The following MCM9 variants were observed in gnomAD, a reference collection of about 807,000 sequenced individuals.
MCM9 encodes the protein DNA helicase MCM9.
A neutral mutation model predicts 72.8 loss-of-function variants in MCM9; 55 were observed. The observed-to-expected ratio is 0.76, with a 90% confidence interval of 0.61 to 0.95. The LOEUF is 0.95. Ranked by LOEUF, MCM9 falls within the 40% of genes least tolerant of loss-of-function variation. MCM9 has a pLI of 0.00. For missense variants in MCM9, 1,279 were observed against 1,377.0 expected (o/e 0.93, Z 1.13); for synonymous variants, 480 against 503.4 (o/e 0.95, Z 0.62).
intron 5 of MCM9, chr6:118,918,274 T>C (rs1583664475): frequency 6.5e-6 from 1 of 154,030 alleles, no homozygotes; most frequent in African/African-American, 2.4e-5. Context: ...TTTTACTCAC[T>C]GCCCCCCCAC....
chr6:118,931,454 A>G lies in MCM9; in HGVS notation c.270T>C (p.Val90=). The G allele has an allele frequency of 6.2e-7, 1 of 1,612,920 alleles. No homozygotes were observed. Among genetic ancestry groups the G allele is most frequent in the Non-Finnish European group, 8.5e-7 (1 of 1,178,914 alleles). The change falls in exon 3 of 14, where the codon GTT becomes GTC. Residue 90 remains valine (V), a synonymous_variant. Coordinates refer to ENST00000619706, the MANE Select transcript of MCM9 (RefSeq NM_017696.3). Reference sequence around the variant, plus strand: ...TGGCATGAAGATTCTGTTTCATGGAAACAGCCTCAGGCTGAGAAAGGGACT... The same window carrying G: ...TGGCATGAAGATTCTGTTTCATGGAGACAGCCTCAGGCTGAGAAAGGGACT... ...ILQSLSQPEA[V]SMKQNLHARI... is the part of the protein sequence containing the mutation.
intron 13 of MCM9, among the ~76,000 whole-genome samples, chr6:118,821,604 G>A (rs535978878): frequency 6.6e-6 from 1 of 152,222 alleles, no homozygotes; most frequent in East Asian, 1.9e-4. Context: ...ATGTCTTGGA[G>A]TTGCCCTTCT....
At chr6:118,900,099 T>C (rs1481909543) in intron 8 of MCM9, among the ~76,000 whole-genome samples, 1 of 152,234 alleles carries the variant, frequency 6.6e-6, no homozygotes, top group African/African-American at 2.4e-5. Context: ...CCACTGTGTA[T>C]ACTCTATTGT....
At chr6:118,835,341 T>C (rs1366050163) in intron 9 of MCM9, among the ~76,000 whole-genome samples, 3 of 152,210 alleles carry the variant, frequency 2.0e-5, no homozygotes, top group Admixed American at 6.5e-5. Context: ...GGGCTCTTTT[T>C]TGGTTCCATA....
At chr6:118,849,693 G>A (rs1213678403) in intron 9 of MCM9, among the ~76,000 whole-genome samples, 1 of 151,626 alleles carries the variant, frequency 6.6e-6, no homozygotes, top group Non-Finnish European at 1.5e-5. Flanking sequence ...TGGGAGAAAG[G>A]GGATACAAAA....
intron 9 of MCM9, among the ~76,000 whole-genome samples, chr6:118,840,768 T>G (rs1775311754): frequency 7.8e-6 from 1 of 128,840 alleles, no homozygotes; most frequent in African/African-American, 2.8e-5. Context: ...GACAGGGTCT[T>G]GCTCTGTCAC....
chr6:118,865,301 A>G (rs1777148999), intron 8 of MCM9, among the ~76,000 whole-genome samples: 1 of 152,126 alleles, frequency 6.6e-6, no homozygotes, highest in African/African-American at 2.4e-5. Context: ...AAAAACAGCT[A>G]TTTCTCCTCA....
intron 5 of MCM9, chr6:118,918,069 A>C: frequency 2.8e-6 from 1 of 353,806 alleles, no homozygotes; most frequent in Non-Finnish European, 5.2e-6. Flanking sequence ...TGATTCATTC[A>C]TCACAGTTAC....
intron 8 of MCM9, among the ~76,000 whole-genome samples, chr6:118,864,123 T>C (rs1777071709): frequency 6.6e-6 from 1 of 152,118 alleles, no homozygotes; most frequent in East Asian, 1.9e-4. Flanking sequence ...GGATGAGTTC[T>C]TTAGTGCTGA....
At chr6:118,833,343 G>A (rs981756368) in intron 9 of MCM9, among the ~76,000 whole-genome samples, 3 of 152,180 alleles carry the variant, frequency 2.0e-5, no homozygotes, top group African/African-American at 7.2e-5. Flanking sequence ...ACCCCAGACA[G>A]TAAGAAGCAA....
At chr6:118,869,990 C>T (rs1398083384) in intron 8 of MCM9, among the ~76,000 whole-genome samples, 3 of 152,106 alleles carry the variant, frequency 2.0e-5, no homozygotes, top group Admixed American at 1.3e-4. Context: ...CACCACAGCA[C>T]CTAACATATA....
At chr6:118,853,911 A>ATTTTCTTAT (rs1776389881) in intron 9 of MCM9, among the ~76,000 whole-genome samples, 1 of 152,134 alleles carries the variant, frequency 6.6e-6, no homozygotes, top group Non-Finnish European at 1.5e-5. Flanking sequence ...TCTCCATTTA[A>ATTTTCTTAT]GTCCTTTTTA....
At position 118,888,972 on chromosome 6, in the gene MCM9, A is replaced by G. The variant is rs183301142; in HGVS notation, c.1150+22678T>C. Among the ~76,000 whole-genome samples, 386 of 152,228 alleles carry G rather than the reference A, an allele frequency of 2.5e-3. 3 individuals carry two copies. The highest frequency in any genetic ancestry group is 9.1e-3 in the African/African-American group (379 of 41,538). On this transcript the variant is annotated intron_variant, in intron 8 of 13. Transcript: ENST00000619706. ...AAAGGCTACAAAGCTTCTTTTTGAG[A>G]TCATGAAAATACTCTAAAATTGATT...
At chr6:118,826,942 C>A in intron 11 of MCM9, 78 bp from the exon 12 acceptor site, 1 of 1,150,108 alleles carries the variant, frequency 8.7e-7, no homozygotes. Context: ...TCCTCCTCAC[C>A]ATTTGTATTT....
intron 8 of MCM9, among the ~76,000 whole-genome samples, chr6:118,857,899 T>C (rs905559182): frequency 6.6e-6 from 1 of 152,152 alleles, no homozygotes; most frequent in Middle Eastern, 3.2e-3. Flanking sequence ...CAGGCTGAGA[T>C]GGCTTCATAG....
At chr6:118,820,249 GA>G (rs796666235) in intron 13 of MCM9, among the ~76,000 whole-genome samples, 54 of 152,274 alleles carry the variant, frequency 3.5e-4, no homozygotes, top group African/African-American at 1.1e-3. Flanking sequence ...TCTTTCTCCT[GA>G]GGGCGTTTAG....
chr6:118,894,192 A>C, intron 8 of MCM9: 2 of 1,334,928 alleles, frequency 1.5e-6, no homozygotes, highest in Non-Finnish European at 1.9e-6. Flanking sequence ...GCTGCTACTT[A>C]TCAGAGCAGA....
At position 118,815,503 on chromosome 6, in the gene MCM9, G is replaced by T. The variant is rs1001106935; in HGVS notation, c.2753C>A (p.Ala918Asp). 12 of 1,547,764 alleles carry T rather than the reference G, an allele frequency of 7.8e-6. No homozygotes were observed. In the African/African-American group the frequency reaches 1.5e-4, roughly 19 times the overall value. ...ENVKPPGSPV[A>D]KLAKFTFKQK... ...CTTGAAAGTAAATTTTGCCAGTTTG[G>T]CCACAGGGGAACCTGGAGGCTTAAC... The change falls in exon 14 of 14, where the codon GCC (alanine) becomes GAC (aspartate). Residue 918 changes from alanine to aspartate, a missense_variant. By Grantham distance (126) the Ala-to-Asp change is moderately radical. Coordinates refer to ENST00000619706, the MANE Select transcript of MCM9 (RefSeq NM_017696.3).
In MCM9 at chr6:118,893,846, A is replaced by AAAC. The variant is rs1491101975; in HGVS notation, c.1150+17803_1150+17804insGTT. On this transcript the variant is annotated intron_variant, in intron 8 of 13. Coordinates refer to ENST00000619706, the MANE Select transcript of MCM9 (RefSeq NM_017696.3). Reference sequence around the variant, plus strand: ...CGTTAAATCAAAAAACCAAAAAAACAAAAAAAAAAACAAAAAAACGCCAAA... The same window carrying AAAC: ...CGTTAAATCAAAAAACCAAAAAAACAAACAAAAAAAAAACAAAAAAACGCCAAA... Among the ~76,000 whole-genome samples, 402 of 45,814 alleles carry AAAC rather than the reference A, an allele frequency of 8.8e-3. 1 individual carries two copies. The highest frequency in any genetic ancestry group is 0.022 in the African/African-American group (375 of 17,170). The allele number at this position is 45,814 out of a possible 152,430, so 30.1% of individuals were successfully genotyped here.
Sources: allele counts gnomAD v4.1 joint callset (sites outside exome capture counted in the v4.1 genomes callset), GRCh38; gene constraint gnomAD v4.1.1; transcripts MANE v1.5; gene names NCBI Gene and HGNC (gene_info 2026-07-23, HGNC 2026-07-21).